PTPRB: variants seen among roughly 807,000 people sequenced by gnomAD.
PTPRB encodes receptor-type tyrosine-protein phosphatase beta.
In PTPRB, 97 loss-of-function variants were observed where a neutral mutation model predicts 238.1. The observed-to-expected ratio is 0.41, with a 90% CI of 0.35 to 0.48. PTPRB has a LOEUF of 0.48. Among genes scored for constraint, PTPRB ranks in the 20% least tolerant of loss-of-function variants. The probability of loss-of-function intolerance (pLI) is 0.30; values close to 1 mark genes in which losing one functional copy is unlikely to be tolerated. For synonymous variants in PTPRB, 970 were observed against 995.4 expected (o/e 0.97, Z 0.48); for missense variants, 2,292 against 2,681.9 (o/e 0.85, Z 3.21).
Position 70,609,117 on chromosome 12 carries a change from A to AGTTATAGAT in PTPRB, c.922_930dup (p.Ile308_Asn310dup). 2 of 1,613,912 alleles carry AGTTATAGAT rather than the reference A, an allele frequency of 1.2e-6. No individual in the cohort carries two copies. The highest frequency in any genetic ancestry group is 1.7e-6 in the Non-Finnish European group (2 of 1,179,806). ...TCTTCATCCAGAGAAATAATCCTGA[A>AGTTATAGAT]GTTATAGATGGTTCCTGCTTGTAAA... On this transcript the variant is annotated inframe_insertion, in exon 4 of 34. Transcript: ENST00000334414.
rs1875695715 is a variant in PTPRB, at chr12:70,544,682, T to A, written c.5388-19A>T. The A allele has an allele frequency of 1.3e-6, 2 of 1,501,926 alleles. No individual in the cohort carries two copies. Among genetic ancestry groups the A allele is most frequent in the African/African-American group, 2.8e-5 (2 of 70,572 alleles). 93.0% of individuals were successfully genotyped at this position (1,501,926 alleles called of 1,614,324 possible). A position where few individuals can be genotyped will look rare whatever the true frequency, so the allele number is the denominator to read the frequency against. On this transcript the variant is annotated intron_variant, in intron 21 of 33. Coordinates refer to ENST00000334414, the MANE Select transcript of PTPRB (RefSeq NM_001109754.4). ...GCTGATTCTGAAAAGAAAACCGATT[T>A]ATTTAAATATAAATTAGTTGTTGAA...
intron 23 of PTPRB, 114 bp downstream of exon 23, chr12:70,540,744 A>G (rs992558850): frequency 3.0e-5 from 24 of 799,296 alleles, no homozygotes; most frequent in African/African-American, 3.0e-4. Context: ...AACAGTGACA[A>G]TTTAACCTGG....
chr12:70,628,067 A>G (rs1210264656), intron 2 of PTPRB, among the ~76,000 whole-genome samples: 1 of 152,128 alleles, frequency 6.6e-6, no homozygotes, highest in Admixed American at 6.6e-5. Context: ...TGCCAACAAT[A>G]TGGTTTAGTT....
At chr12:70,548,825 A>G (rs1296119285) in intron 21 of PTPRB, among the ~76,000 whole-genome samples, 2 of 152,152 alleles carry the variant, frequency 1.3e-5, no homozygotes, top group Admixed American at 6.5e-5. Flanking sequence ...TCTTCTCTAA[A>G]CAATTTGTGT....
chr12:70,537,229 G>A (rs931774736), intron 28 of PTPRB, among the ~76,000 whole-genome samples: 9 of 144,026 alleles, frequency 6.2e-5, no homozygotes, highest in Non-Finnish European at 8.9e-5. Flanking sequence ...GGAGCTTGCA[G>A]TGAGCAGAGA....
At chr12:70,579,301 G>A (rs1881114437) in intron 10 of PTPRB, among the ~76,000 whole-genome samples, 1 of 152,174 alleles carries the variant, frequency 6.6e-6, no homozygotes, top group Non-Finnish European at 1.5e-5. Flanking sequence ...TAGGCCTCCT[G>A]ATTTCCATGC....
intron 27 of PTPRB, 58 bp from the exon 28 acceptor site, chr12:70,538,289 G>A: frequency 2.1e-6 from 3 of 1,411,016 alleles, no homozygotes; most frequent in Non-Finnish European, 3.0e-6. Flanking sequence ...TTTATGTGAT[G>A]TGTGTGATGT....
At chr12:70,544,732 A>G (rs1004808008) in intron 21 of PTPRB, 69 bp from the exon 22 acceptor site, 2 of 1,056,672 alleles carry the variant, frequency 1.9e-6, no homozygotes, top group Middle Eastern at 2.1e-4. Context: ...AATGTGTTCA[A>G]GGAGAAATAG....
chr12:70,622,755 G>A (rs1435146389), intron 2 of PTPRB, 109 bp from the exon 3 acceptor site: 20 of 1,281,348 alleles, frequency 1.6e-5, no homozygotes, highest in Non-Finnish European at 2.1e-5. Flanking sequence ...ATGGGCATGT[G>A]GATAAGCTTC....
chr12:70,563,245 A>G (rs1346071558), intron 15 of PTPRB, 138 bp from the exon 16 acceptor site: 1 of 948,146 alleles, frequency 1.1e-6, no homozygotes, highest in Non-Finnish European at 1.5e-6. Flanking sequence ...AGGAAAAGCC[A>G]AAAGCACTTT....
At position 70,519,418 on chromosome 12, in the gene PTPRB, A is replaced by G. The variant is rs17814277; in HGVS notation, c.*2071T>C. ...TTGATGAGGCTGTCTTTTAAGCTCA[A>G]TTGAAGGTAGTAACAACAATCCTAA... On this transcript the variant is annotated 3_prime_UTR_variant, in exon 34 of 34. Coordinates refer to ENST00000334414, the MANE Select transcript of PTPRB (RefSeq NM_001109754.4). 19,025 of 152,150 alleles carry G rather than the reference A, an allele frequency of 0.13. 1,412 individuals are homozygous for G. The highest frequency in any genetic ancestry group is 0.2 in the South Asian group (977 of 4,822). 9.4% of individuals were successfully genotyped at this position (152,150 alleles called of 1,614,324 possible).
chr12:70,528,920 T>G (rs1872779869), intron 32 of PTPRB, among the ~76,000 whole-genome samples: 1 of 142,056 alleles, frequency 7.0e-6, no homozygotes. Flanking sequence ...TGAAAGAGAA[T>G]GAGTTTGACT....
intron 32 of PTPRB, among the ~76,000 whole-genome samples, chr12:70,528,904 C>G (rs2717439): frequency 0.97 from 147,107 of 152,160 alleles, 71,151 homozygotes; most frequent in East Asian, 1. Flanking sequence ...TTGTTGTTTT[C>G]TGTTTTGAAA....
chr12:70,570,918 G>C (rs1592503959), intron 13 of PTPRB, 108 bp downstream of exon 13: 1 of 1,205,344 alleles, frequency 8.3e-7, no homozygotes, highest in Non-Finnish European at 1.2e-6. Flanking sequence ...GTCCCTTCTT[G>C]CTGTCTCCCT....
chr12:70,637,336 C>T lies in PTPRB; in HGVS notation c.55+5G>A. 1 of 1,604,598 alleles carries T rather than the reference C, an allele frequency of 6.2e-7. No individual in the cohort carries two copies. Among genetic ancestry groups the T allele is most frequent in the African/African-American group, 1.3e-5 (1 of 74,928 alleles). ...GCCTCAGGACACTGAGGCAGACCCA[C>T]TCACCTGAGTTCCTGAAGATCAAGC... On this transcript the variant is annotated splice_donor_5th_base_variant and intron_variant, in intron 1 of 33. Transcript: ENST00000334414.
intron 8 of PTPRB, 60 bp from the exon 9 acceptor site, chr12:70,587,327 C>T (rs1451372083): frequency 6.5e-7 from 1 of 1,541,164 alleles, no homozygotes; most frequent in Non-Finnish European, 8.9e-7. Context: ...ATAGGGTATA[C>T]TTTTGATAGT....
chr12:70,564,752 G>A (rs1486604066), intron 15 of PTPRB, among the ~76,000 whole-genome samples: 1 of 151,512 alleles, frequency 6.6e-6, no homozygotes, highest in African/African-American at 2.4e-5. Flanking sequence ...AGGATTGTTT[G>A]AGCCCAGGAG....
intron 4 of PTPRB, among the ~76,000 whole-genome samples, chr12:70,596,546 T>C (rs968121525): frequency 1.3e-5 from 2 of 151,940 alleles, no homozygotes; most frequent in African/African-American, 4.8e-5. Context: ...ATTTAGCTAC[T>C]AGTCATATGA....
chr12:70,560,415 C>T lies in PTPRB; in HGVS notation c.4432+256G>A, dbSNP rs539961568. On this transcript the variant is annotated intron_variant, in intron 17 of 33. Coordinates refer to ENST00000334414, the MANE Select transcript of PTPRB (RefSeq NM_001109754.4). This position sits in a 1 kb window ranked among gnomAD's most constrained non-coding sequence, Gnocchi z 4.2. ...GTGATGATGTATATGATTATTCCCACTTTGCAGATAAGAAAACTGAGGCCT... is the reference window on the plus strand; with the variant it reads ...GTGATGATGTATATGATTATTCCCATTTTGCAGATAAGAAAACTGAGGCCT... Among the ~76,000 whole-genome samples the T allele has an allele frequency of 6.6e-6, 1 of 152,294 alleles. No homozygotes were observed. Among genetic ancestry groups the T allele is most frequent in the Admixed American group, 6.5e-5 (1 of 15,296 alleles).
Sources: allele counts gnomAD v4.1 joint callset (sites outside exome capture counted in the v4.1 genomes callset), GRCh38; gene constraint gnomAD v4.1.1; non-coding constraint Gnocchi (gnomAD v3.1); transcripts MANE v1.5; gene names NCBI Gene and HGNC (gene_info 2026-07-23, HGNC 2026-07-21).